Variants in SUMF1 observed in about 807,000 individuals in gnomAD.
The protein encoded by SUMF1 is formylglycine-generating enzyme.
In SUMF1, 48 loss-of-function variants were observed where a neutral mutation model predicts 47.6. The observed-to-expected ratio is 1.01, with a 90% confidence interval of 0.80 to 1.28. SUMF1 has a LOEUF of 1.28. SUMF1 is among the 50% of genes most tolerant of loss of function. The pLI is 0.00. For missense variants in SUMF1, 571 were observed against 485.4 expected (o/e 1.18, Z -1.66); for synonymous variants, 230 against 192.1 (o/e 1.20, Z -1.63).
intron 8 of SUMF1, among the ~76,000 whole-genome samples, chr3:4,318,008 G>GAGAGGTTCC (rs1305120653): frequency 5.3e-5 from 8 of 152,134 alleles, no homozygotes; most frequent in Non-Finnish European, 1.0e-4. Context: ...AGCTGAGCAA[G>GAGAGGTTCC]AGAGGTTCCT....
chr3:4,366,903 C>T (rs13087345), intron 8 of SUMF1, among the ~76,000 whole-genome samples: 58,573 of 151,958 alleles, frequency 0.39, 11,792 homozygotes, highest in Non-Finnish European at 0.46. Flanking sequence ...TTGGTGTGGA[C>T]GTCCTTTCTG....
At chr3:4,153,185 A>T (rs1694376795) in intron 8 of SUMF1, among the ~76,000 whole-genome samples, 1 of 151,504 alleles carries the variant, frequency 6.6e-6, no homozygotes, top group African/African-American at 2.4e-5. Context: ...GAGCAGAAAC[A>T]TATATTTGAT....
intron 8 of SUMF1, chr3:4,313,880 T>G (rs763277172): frequency 1.3e-6 from 2 of 1,519,286 alleles, no homozygotes; most frequent in African/African-American, 1.4e-5. Flanking sequence ...AGACTGCAAG[T>G]TGTCCATCAG....
At chr3:4,311,587 C>A (rs560194894) in intron 8 of SUMF1, among the ~76,000 whole-genome samples, 5 of 152,300 alleles carry the variant, frequency 3.3e-5, no homozygotes, top group South Asian at 4.1e-4. Flanking sequence ...CACTTCTGAA[C>A]AATGAGATTA....
chr3:4,244,581 G>A (rs1696618023), intron 8 of SUMF1, among the ~76,000 whole-genome samples: 1 of 152,136 alleles, frequency 6.6e-6, no homozygotes, highest in Admixed American at 6.6e-5. Flanking sequence ...TTGAATACTG[G>A]CCCCCACTCT....
intron 8 of SUMF1, among the ~76,000 whole-genome samples, chr3:4,252,116 G>T (rs1274656251): frequency 1.3e-5 from 2 of 152,060 alleles, no homozygotes; most frequent in African/African-American, 2.4e-5. Flanking sequence ...ACTGACCTAA[G>T]TAAATAAAGA....
intron 8 of SUMF1, among the ~76,000 whole-genome samples, chr3:4,088,862 G>A (rs1692726221): frequency 6.6e-6 from 1 of 152,094 alleles, no homozygotes; most frequent in Admixed American, 6.5e-5. Flanking sequence ...GAAATGGGAT[G>A]AGAAACCACA....
chr3:4,367,227 G>T (rs1194961808), intron 8 of SUMF1, among the ~76,000 whole-genome samples: 2 of 152,142 alleles, frequency 1.3e-5, no homozygotes, highest in Non-Finnish European at 2.9e-5. Flanking sequence ...CTGCGTGCTG[G>T]GAGAACCACT....
At chr3:4,374,009 A>C (rs537815937) in intron 8 of SUMF1, among the ~76,000 whole-genome samples, 1 of 152,300 alleles carries the variant, frequency 6.6e-6, no homozygotes, top group Non-Finnish European at 1.5e-5. Flanking sequence ...AACTCTAAAA[A>C]ATTAGCAATG....
chr3:4,464,535 T>C (rs1319202561), intron 1 of SUMF1, among the ~76,000 whole-genome samples: 1 of 152,168 alleles, frequency 6.6e-6, no homozygotes, highest in African/African-American at 2.4e-5. Context: ...TAACAAGTGT[T>C]ATATAGTAAT....
intron 8 of SUMF1, among the ~76,000 whole-genome samples, chr3:4,369,901 T>G (rs1700118237): frequency 6.6e-6 from 1 of 152,152 alleles, no homozygotes; most frequent in Non-Finnish European, 1.5e-5. Flanking sequence ...CAGGGCATGG[T>G]TTAATTATTC....
intron 8 of SUMF1, among the ~76,000 whole-genome samples, chr3:4,151,789 C>G (rs758505861): frequency 6.6e-6 from 1 of 150,952 alleles, no homozygotes; most frequent in Non-Finnish European, 1.5e-5. Context: ...CCAACCTGGG[C>G]TATATGCAGC....
At chr3:4,110,569 A>G (rs1693274244) in intron 8 of SUMF1, among the ~76,000 whole-genome samples, 1 of 152,044 alleles carries the variant, frequency 6.6e-6, no homozygotes, top group African/African-American at 2.4e-5. Context: ...CACTGTTCAC[A>G]ATAACAAAGA....
chr3:4,447,118 T>C (rs1013886518), intron 3 of SUMF1, among the ~76,000 whole-genome samples: 2 of 152,124 alleles, frequency 1.3e-5, no homozygotes, highest in African/African-American at 4.8e-5. Context: ...ACGTTCACCT[T>C]AGGATAACTC....
chr3:4,221,018 A>G (rs921615968), intron 8 of SUMF1, among the ~76,000 whole-genome samples: 2 of 152,144 alleles, frequency 1.3e-5, no homozygotes, highest in African/African-American at 2.4e-5. Context: ...ATTTCTCACT[A>G]TGACTTCTTT....
chr3:4,397,064 G>C (rs1390638068), intron 7 of SUMF1, among the ~76,000 whole-genome samples: 2 of 152,224 alleles, frequency 1.3e-5, no homozygotes, highest in Non-Finnish European at 2.9e-5. Flanking sequence ...TAGACTGCTA[G>C]ATGGAATTAG....
intron 7 of SUMF1, among the ~76,000 whole-genome samples, chr3:4,399,886 T>C (rs577358098): frequency 1.3e-5 from 2 of 152,290 alleles, no homozygotes; most frequent in South Asian, 4.1e-4. Context: ...GCCTCCCAAG[T>C]AGCTGGGACT....
At position 4,308,481 on chromosome 3, in the gene SUMF1, T is replaced by C. The variant is rs183740813; in HGVS notation, c.1014+67849A>G. Among the ~76,000 whole-genome samples, 245 of 152,348 alleles carry C rather than the reference T, an allele frequency of 1.6e-3. 1 individual carries two copies. The highest frequency in any genetic ancestry group is 5.3e-3 in the African/African-American group (221 of 41,586). On this transcript the variant is annotated intron_variant and NMD_transcript_variant, in intron 8 of 12. Coordinates refer to the SUMF1 transcript ENST00000448413. The stretch of plus-strand genomic sequence containing the variant: ...CATCTAAAAGTAATATCTAGAAGAA[T>C]TGAAAGAAGCCAATATTTTTATAAA...
intron 8 of SUMF1, among the ~76,000 whole-genome samples, chr3:4,329,613 T>C (rs1699010870): frequency 6.6e-6 from 1 of 152,192 alleles, no homozygotes; most frequent in South Asian, 2.1e-4. Context: ...CATTTTTCCC[T>C]CCTATGCCTC....
Sources: allele counts gnomAD v4.1 joint callset (sites outside exome capture counted in the v4.1 genomes callset), GRCh38; gene constraint gnomAD v4.1.1; transcripts MANE v1.5; gene names NCBI Gene and HGNC (gene_info 2026-07-23, HGNC 2026-07-21).